The following LY86 variants were observed in gnomAD, a reference collection of about 807,000 sequenced individuals.
LY86 encodes the protein MD-1, RP105-associated.
A neutral mutation model predicts 17.3 loss-of-function variants in LY86; 20 were observed. The ratio of observed to expected loss-of-function variants is 1.15; its 90% CI spans 0.81 to 1.68. LY86 has a LOEUF of 1.68. Ranked by LOEUF, LY86 falls within the 40% of genes most tolerant of loss-of-function variation. The pLI is 0.00. For synonymous variants in LY86, 74 were observed against 70.6 expected (o/e 1.05, Z -0.24); for missense variants, 200 against 191.9 (o/e 1.04, Z -0.25).
intron 3 of LY86, among the ~76,000 whole-genome samples, chr6:6,648,938 G>T (rs1237898590): frequency 6.6e-6 from 1 of 152,072 alleles, no homozygotes; most frequent in Non-Finnish European, 1.5e-5. Context: ...TTACAATCTG[G>T]ATATCGTCTT....
chr6:6,593,730 T>C (rs1277399708), intron 1 of LY86, among the ~76,000 whole-genome samples: 2 of 152,212 alleles, frequency 1.3e-5, no homozygotes, highest in Non-Finnish European at 2.9e-5. Context: ...TTTCCTGATA[T>C]AGGGATGAGC....
chr6:6,606,595 T>C (rs1429710314), intron 1 of LY86, among the ~76,000 whole-genome samples: 1 of 152,196 alleles, frequency 6.6e-6, no homozygotes, highest in Non-Finnish European at 1.5e-5. Context: ...CATGGCGGGC[T>C]GCAGGTCCCT....
chr6:6,612,413 C>G (rs1045191057), intron 1 of LY86, among the ~76,000 whole-genome samples: 2 of 152,206 alleles, frequency 1.3e-5, no homozygotes, highest in Admixed American at 6.5e-5. Flanking sequence ...CCTAGTCTCA[C>G]TGGCCTCATA....
chr6:6,612,456 C>T lies in LY86; in HGVS notation c.137-12470C>T, dbSNP rs530183793. Among the ~76,000 whole-genome samples, 7 of 152,284 alleles carry T rather than the reference C, an allele frequency of 4.6e-5. No individual in the cohort carries two copies. The East Asian group carries it at 1.4e-3, about 29-fold the overall frequency. On this transcript the variant is annotated intron_variant, in intron 1 of 4. Coordinates refer to ENST00000230568, the MANE Select transcript of LY86 (RefSeq NM_004271.4). ...CCGCAAACCTTCATGGGGAGTGTTA[C>T]ACTTCATAAAAGCAATGCAGACCCA...
rs182688061 is a variant in LY86 at position 6,595,844 on chromosome 6, T to C, written c.136+6974T>C. ...CATCCCCAACCATTCCACCACGAGG[T>C]AGTCAGTGAGCGGGGAGGGGAGGAA... On this transcript the variant is annotated intron_variant, in intron 1 of 4. Transcript: ENST00000230568. 7.1e-4 allele frequency among the ~76,000 whole-genome samples: 108 copies of C among 152,024 alleles called. 1 individual carries two copies. The highest frequency in any genetic ancestry group is 2.5e-3 in the African/African-American group (102 of 41,470).
Position 6,588,728 on chromosome 6 carries a change from C to T in LY86, c.-7C>T. On this transcript the variant is annotated 5_prime_UTR_variant, in exon 1 of 5. Coordinates refer to ENST00000230568, the MANE Select transcript of LY86 (RefSeq NM_004271.4). Reference sequence around the variant, plus strand: ...ATTTTTCTGTGTGTCCCATACAGGCCCCCACCATGAAGGGTTTCACAGCCA... The same window carrying T: ...ATTTTTCTGTGTGTCCCATACAGGCTCCCACCATGAAGGGTTTCACAGCCA... The T allele has an allele frequency of 6.2e-7, 1 of 1,613,832 alleles. No homozygotes were observed. The highest frequency in any genetic ancestry group is 8.5e-7 in the Non-Finnish European group (1 of 1,179,864).
chr6:6,590,788 G>C (rs558200268), intron 1 of LY86, among the ~76,000 whole-genome samples: 1 of 152,160 alleles, frequency 6.6e-6, no homozygotes, highest in African/African-American at 2.4e-5. Context: ...GGAGTGATGA[G>C]GATGCAGTGC....
chr6:6,599,506 G>A (rs1427549026), intron 1 of LY86, among the ~76,000 whole-genome samples: 1 of 152,222 alleles, frequency 6.6e-6, no homozygotes, highest in African/African-American at 2.4e-5. Flanking sequence ...GTTCCTGAAT[G>A]TCAGCTTGAT....
chr6:6,612,458 C>T (rs376970418), intron 1 of LY86, among the ~76,000 whole-genome samples: 2 of 152,316 alleles, frequency 1.3e-5, no homozygotes, highest in South Asian at 2.1e-4. Flanking sequence ...GAGTGTTACA[C>T]TTCATAAAAG....
intron 3 of LY86, among the ~76,000 whole-genome samples, chr6:6,637,692 T>G (rs1189059176): frequency 6.6e-6 from 1 of 152,164 alleles, no homozygotes; most frequent in African/African-American, 2.4e-5. Context: ...GCCCTGAGTG[T>G]GTGAGCCCGG....
intron 3 of LY86, among the ~76,000 whole-genome samples, chr6:6,641,064 T>G (rs1162763327): frequency 6.6e-6 from 1 of 152,342 alleles, no homozygotes; most frequent in East Asian, 1.9e-4. Flanking sequence ...AGTACACTTG[T>G]GATTCCAAAA....
chr6:6,619,696 C>T (rs1437188157), intron 1 of LY86, among the ~76,000 whole-genome samples: 1 of 152,188 alleles, frequency 6.6e-6, no homozygotes, highest in Non-Finnish European at 1.5e-5. Flanking sequence ...GGAAGCAATA[C>T]CAGCTCTTAG....
At chr6:6,593,232 G>A (rs537404490) in intron 1 of LY86, among the ~76,000 whole-genome samples, 1 of 152,342 alleles carries the variant, frequency 6.6e-6, no homozygotes, top group Admixed American at 6.5e-5. Flanking sequence ...TGCATTCCTT[G>A]GCCTGAGGCT....
At chr6:6,605,165 T>C (rs569486932) in intron 1 of LY86, among the ~76,000 whole-genome samples, 6 of 152,272 alleles carry the variant, frequency 3.9e-5, no homozygotes, top group African/African-American at 1.4e-4. Context: ...TATCAATGAA[T>C]GTAATGATGA....
intron 1 of LY86, 40 bp from the exon 2 acceptor site, chr6:6,624,886 C>A: frequency 1.1e-6 from 1 of 900,234 alleles, no homozygotes; most frequent in Non-Finnish European, 1.8e-6. Context: ...GCAAAATATA[C>A]GATGTACTCG....
chr6:6,599,033 C>G (rs1038682068), intron 1 of LY86, among the ~76,000 whole-genome samples: 3 of 152,210 alleles, frequency 2.0e-5, no homozygotes, highest in African/African-American at 7.2e-5. Flanking sequence ...TTTCCCAAGA[C>G]TATCTGGCTC....
chr6:6,610,439 C>G (rs1312211860), intron 1 of LY86, among the ~76,000 whole-genome samples: 2 of 152,230 alleles, frequency 1.3e-5, no homozygotes, highest in Non-Finnish European at 2.9e-5. Context: ...CTGGGCTCCA[C>G]TGCCCTGGCC....
At chr6:6,613,578 G>A (rs528090521) in intron 1 of LY86, among the ~76,000 whole-genome samples, 10 of 152,286 alleles carry the variant, frequency 6.6e-5, no homozygotes, top group Non-Finnish European at 1.0e-4. Context: ...CCGGGAACTC[G>A]CTCTGGCCCG....
chr6:6,605,230 A>G (rs1201366097), intron 1 of LY86, among the ~76,000 whole-genome samples: 2 of 152,244 alleles, frequency 1.3e-5, no homozygotes, highest in African/African-American at 2.4e-5. Context: ...CATAACAAAT[A>G]CCCTAAAATT....
Sources: allele counts gnomAD v4.1 joint callset (sites outside exome capture counted in the v4.1 genomes callset), GRCh38; gene constraint gnomAD v4.1.1; transcripts MANE v1.5; gene names NCBI Gene and HGNC (gene_info 2026-07-23, HGNC 2026-07-21).